WDPCP: variants seen among roughly 807,000 people sequenced by gnomAD.
The protein encoded by WDPCP is WD repeat-containing and planar cell polarity effector protein fritz homolog.
In WDPCP, 71 loss-of-function variants were observed where a neutral mutation model predicts 93.1. The observed-to-expected ratio is 0.76, with a 90% confidence interval of 0.63 to 0.93. The LOEUF is 0.93. Among genes scored for constraint, WDPCP ranks in the 40% least tolerant of loss-of-function variants. The probability of loss-of-function intolerance (pLI) is 0.00; values close to 1 mark genes in which losing one functional copy is unlikely to be tolerated. For missense variants in WDPCP, 844 were observed against 887.4 expected (o/e 0.95, Z 0.62); for synonymous variants, 315 against 315.0 (o/e 1.00, Z 0.00).
At chr2:63,563,227 A>G (rs1195059437) in intron 1 of WDPCP, among the ~76,000 whole-genome samples, 1 of 152,146 alleles carries the variant, frequency 6.6e-6, no homozygotes, top group Admixed American at 6.6e-5. Flanking sequence ...AGTGAGACAC[A>G]GAACAGCAAG....
intron 9 of WDPCP, among the ~76,000 whole-genome samples, chr2:63,409,743 T>C (rs1694892058): frequency 6.6e-6 from 1 of 151,930 alleles, no homozygotes; most frequent in Admixed American, 6.6e-5. Flanking sequence ...CTTATAGAAA[T>C]GCAAAATGCT....
intron 9 of WDPCP, among the ~76,000 whole-genome samples, chr2:63,409,047 G>A (rs188972047): frequency 6.6e-6 from 1 of 152,262 alleles, no homozygotes; most frequent in African/African-American, 2.4e-5. Flanking sequence ...TAATACCACA[G>A]CTGATGCTCT....
rs141539058 is a variant in WDPCP, at chr2:63,185,717, A to G, written c.1916-10885T>C. Among the ~76,000 whole-genome samples the G allele has an allele frequency of 4.6e-4, 70 of 152,240 alleles. 1 individual carries two copies. Among genetic ancestry groups the G allele is most frequent in the Middle Eastern group, 3.4e-3 (1 of 294 alleles). ...CTCCAGGCCAGTCAGTGGCACTTGT[A>G]AGTAAGAGCTGGCTGTGGTGGTAGT... On this transcript the variant is annotated intron_variant, in intron 14 of 17. Transcript: ENST00000272321.
At chr2:63,194,918 G>GTA (rs1675312212) in intron 14 of WDPCP, among the ~76,000 whole-genome samples, 4 of 152,084 alleles carry the variant, frequency 2.6e-5, no homozygotes, top group African/African-American at 7.2e-5. Flanking sequence ...TCTGTTTATT[G>GTA]TATTTCAGTA....
intron 2 of WDPCP, among the ~76,000 whole-genome samples, chr2:63,804,771 T>C (rs1670740846): frequency 6.6e-6 from 1 of 151,730 alleles, no homozygotes; most frequent in South Asian, 2.1e-4. Context: ...GGCTCACGCC[T>C]CTAATACCAG....
At chr2:63,808,354 CCTCTCCCTCTCTTT>C (rs1464167399) in intron 2 of WDPCP, among the ~76,000 whole-genome samples, 174 of 128,268 alleles carry the variant, frequency 1.4e-3, no homozygotes, top group South Asian at 3.6e-3. Flanking sequence ...CCACGGTCTC[CCTCTCCCTCTCTTT>C]CCACGGTCTC....
intron 6 of WDPCP, among the ~76,000 whole-genome samples, chr2:63,455,029 C>A (rs1368179636): frequency 3.9e-5 from 6 of 152,086 alleles, no homozygotes; most frequent in Non-Finnish European, 1.5e-5. Context: ...ACTAGACCTG[C>A]CTTACAAGAA....
intron 17 of WDPCP, among the ~76,000 whole-genome samples, chr2:63,134,483 C>A (rs1670484576): frequency 2.6e-5 from 4 of 152,200 alleles, no homozygotes; most frequent in Admixed American, 2.0e-4. Context: ...CAAACACCCA[C>A]ACAGACATAC....
In WDPCP at chr2:63,588,227, C is replaced by G. The variant is rs1003414023; in HGVS notation, c.45G>C (p.Gly15=). The change falls in exon 1 of 18, where the codon GGG becomes GGC. Residue 15 remains glycine (G), a synonymous_variant. Transcript: ENST00000272321. The part of the protein sequence containing the change: ...FCWDAYSKAA[G]SRASSPLPRQ... ...TCGGGAGTGGGGAAGAAGCGCGACT[C>G]CCGGCCGCTTTGGAGTAGGCGTCCC... 2 of 1,575,994 alleles carry G rather than the reference C, an allele frequency of 1.3e-6. No individual in the cohort carries two copies. The highest frequency in any genetic ancestry group is 1.4e-5 in the African/African-American group (1 of 73,640).
chr2:63,359,596 C>G (rs911354065), intron 12 of WDPCP, among the ~76,000 whole-genome samples: 3 of 152,124 alleles, frequency 2.0e-5, no homozygotes, highest in African/African-American at 7.2e-5. Context: ...TGGCAGTTTC[C>G]TATAGAACTA....
intron 2 of WDPCP, chr2:63,752,453 T>A (rs957132710): frequency 3.9e-6 from 3 of 775,006 alleles, no homozygotes; most frequent in Non-Finnish European, 6.9e-6. Context: ...CATAGTGGCA[T>A]AGGTGACAAA....
chr2:63,181,033 A>G (rs995405864), intron 14 of WDPCP, among the ~76,000 whole-genome samples: 1 of 152,016 alleles, frequency 6.6e-6, no homozygotes, highest in African/African-American at 2.4e-5. Context: ...TGGGTAAAGG[A>G]TGAGAAAATA....
chr2:63,400,305 C>G (rs570299751), intron 10 of WDPCP, among the ~76,000 whole-genome samples: 5 of 152,176 alleles, frequency 3.3e-5, no homozygotes, highest in African/African-American at 1.2e-4. Context: ...GGATTAAAGA[C>G]TTAAATATAA....
At chr2:63,785,056 A>G (rs1476392562) in intron 2 of WDPCP, among the ~76,000 whole-genome samples, 1 of 152,226 alleles carries the variant, frequency 6.6e-6, no homozygotes, top group Non-Finnish European at 1.5e-5. Context: ...AAATGAAACT[A>G]TCTCCTTCAA....
intron 12 of WDPCP, among the ~76,000 whole-genome samples, chr2:63,353,405 C>T (rs938956129): frequency 1.3e-5 from 2 of 152,180 alleles, no homozygotes; most frequent in Admixed American, 6.5e-5. Context: ...TTCCACAGCA[C>T]CTCAAAAGAT....
At chr2:63,585,571 T>A (rs1285732627) in intron 1 of WDPCP, among the ~76,000 whole-genome samples, 1 of 152,134 alleles carries the variant, frequency 6.6e-6, no homozygotes, top group Non-Finnish European at 1.5e-5. Flanking sequence ...AAATACATGA[T>A]CCTATGGTAA....
intron 14 of WDPCP, chr2:63,229,056 A>C (rs1350922889): frequency 1.3e-5 from 2 of 152,192 alleles, no homozygotes; most frequent in Non-Finnish European, 2.9e-5. Context: ...CCAACAGTGT[A>C]AAAGTGTTCC....
At chr2:63,776,415 G>C (rs1254771349) in intron 2 of WDPCP, among the ~76,000 whole-genome samples, 2 of 152,090 alleles carry the variant, frequency 1.3e-5, no homozygotes, top group Non-Finnish European at 2.9e-5. Context: ...AGCACTTTGG[G>C]AGGCTAAGGT....
At chr2:63,788,280 A>G (rs1417197825) in intron 2 of WDPCP, among the ~76,000 whole-genome samples, 2 of 152,204 alleles carry the variant, frequency 1.3e-5, no homozygotes, top group Non-Finnish European at 2.9e-5. Flanking sequence ...CAAAATGAGC[A>G]ATATGTCATT....
Sources: allele counts gnomAD v4.1 joint callset (sites outside exome capture counted in the v4.1 genomes callset), GRCh38; gene constraint gnomAD v4.1.1; transcripts MANE v1.5; gene names NCBI Gene and HGNC (gene_info 2026-07-23, HGNC 2026-07-21).